The following ANO2 variants were observed in gnomAD, a reference collection of about 807,000 sequenced individuals.
ANO2 encodes the protein anoctamin-2.
ANO2 carries 101 observed loss-of-function variants against 124.2 expected under a neutral mutation model. That is an observed-to-expected ratio of 0.81 (90% CI 0.69 to 0.96). The LOEUF (loss-of-function observed/expected upper bound fraction) is 0.96. Ranked by LOEUF, ANO2 falls within the 40% of genes least tolerant of loss-of-function variation. The pLI, the probability that ANO2 is intolerant of heterozygous loss-of-function variation, is 0.00. For missense variants in ANO2, 1,293 were observed against 1,274.5 expected (o/e 1.01, Z -0.22); for synonymous variants, 486 against 482.5 (o/e 1.01, Z -0.09).
intron 4 of ANO2, among the ~76,000 whole-genome samples, chr12:5,834,309 T>G (rs1954248793): frequency 6.6e-6 from 1 of 152,214 alleles, no homozygotes; most frequent in South Asian, 2.1e-4. Context: ...TATTTCCTTC[T>G]CTACCATGAT....
chr12:5,653,858 A>G (rs1947037099), intron 14 of ANO2, among the ~76,000 whole-genome samples: 1 of 152,196 alleles, frequency 6.6e-6, no homozygotes, highest in Admixed American at 6.5e-5. Context: ...GTGATTAAAG[A>G]ATGATTAGAG....
chr12:5,930,889 C>T (rs921980631), intron 1 of ANO2, among the ~76,000 whole-genome samples: 3 of 152,278 alleles, frequency 2.0e-5, no homozygotes, highest in Admixed American at 6.5e-5. Context: ...ATTTGCATAT[C>T]CGCCTCCTGG....
At chr12:5,942,852 TG>T (rs1274202040) in intron 1 of ANO2, among the ~76,000 whole-genome samples, 1 of 152,124 alleles carries the variant, frequency 6.6e-6, no homozygotes, top group Non-Finnish European at 1.5e-5. Flanking sequence ...AACAAACATA[TG>T]AAAAAATGTT....
rs908090495 is a variant in ANO2, at chr12:5,635,957, C to T, written c.1621-610G>A. On this transcript the variant is annotated intron_variant, in intron 15 of 24. Transcript: ENST00000682330. The surrounding 1 kb of genome is among the most constrained non-coding windows in gnomAD (Gnocchi z 5.2). ...TGAGTTACAGCTTGATAAGTAGAGG[C>T]AAGAAGGTTGCTCAAAGGAGAAAAG... Among the ~76,000 whole-genome samples the T allele has an allele frequency of 2.6e-5, 4 of 152,028 alleles. No individual in the cohort carries two copies. The highest frequency in any genetic ancestry group is 1.3e-4 in the Admixed American group (2 of 15,264).
At chr12:5,586,266 AG>A (rs1943106229) in intron 20 of ANO2, among the ~76,000 whole-genome samples, 1 of 152,228 alleles carries the variant, frequency 6.6e-6, no homozygotes, top group Admixed American at 6.5e-5. Flanking sequence ...CAGCAGCAAA[AG>A]GACAGAAATG....
At chr12:5,742,769 G>C (rs1951140497) in intron 12 of ANO2, among the ~76,000 whole-genome samples, 1 of 152,138 alleles carries the variant, frequency 6.6e-6, no homozygotes, top group African/African-American at 2.4e-5. Flanking sequence ...TTCCAAATCA[G>C]TTCAGGTGGA....
chr12:5,794,495 G>A (rs545730627), intron 10 of ANO2, among the ~76,000 whole-genome samples: 48 of 152,022 alleles, frequency 3.2e-4, no homozygotes, highest in African/African-American at 1.1e-3. Context: ...GGCAGTCCAG[G>A]CTGGTTACAA....
chr12:5,665,103 C>G (rs1475260332), intron 14 of ANO2, among the ~76,000 whole-genome samples: 1 of 152,168 alleles, frequency 6.6e-6, no homozygotes, highest in East Asian at 1.9e-4. Context: ...CATTCTTCTT[C>G]CACATGCCCT....
chr12:5,759,069 T>C (rs558858146), intron 10 of ANO2, among the ~76,000 whole-genome samples: 2 of 151,098 alleles, frequency 1.3e-5, no homozygotes, highest in East Asian at 3.9e-4. Context: ...CTATCACACA[T>C]GTAATTAGAG....
chr12:5,870,597 T>C (rs1955547914), intron 3 of ANO2, among the ~76,000 whole-genome samples: 1 of 152,018 alleles, frequency 6.6e-6, no homozygotes, highest in South Asian at 2.1e-4. Flanking sequence ...TCCAGCCTCC[T>C]GGGAGAACCC....
intron 3 of ANO2, among the ~76,000 whole-genome samples, chr12:5,888,047 C>T (rs958753425): frequency 2.6e-5 from 4 of 152,128 alleles, no homozygotes; most frequent in African/African-American, 9.7e-5. Context: ...AATGAAGCCG[C>T]GGACCCTCGC....
intron 14 of ANO2, among the ~76,000 whole-genome samples, chr12:5,718,215 C>T (rs144217468): frequency 3.2e-3 from 493 of 152,338 alleles, no homozygotes; most frequent in Middle Eastern, 0.021. Context: ...CTCACTGAAA[C>T]AGAGCAAAAA....
At chr12:5,845,935 T>C (rs1480672513) in intron 4 of ANO2, among the ~76,000 whole-genome samples, 5 of 152,240 alleles carry the variant, frequency 3.3e-5, no homozygotes, top group African/African-American at 1.2e-4. Context: ...ATTAACTATA[T>C]TTAAAACTCA....
At chr12:5,827,529 G>A (rs372000970) in intron 7 of ANO2, among the ~76,000 whole-genome samples, 4 of 152,186 alleles carry the variant, frequency 2.6e-5, no homozygotes. Flanking sequence ...GAGAAAGCCC[G>A]GAGACCTGGG....
chr12:5,705,932 C>T (rs1949590798), intron 14 of ANO2, among the ~76,000 whole-genome samples: 1 of 152,188 alleles, frequency 6.6e-6, no homozygotes, highest in African/African-American at 2.4e-5. Flanking sequence ...ACAAGGTTCA[C>T]AAAGCCCTGT....
At chr12:5,692,890 CTTG>C (rs1949004652) in intron 14 of ANO2, among the ~76,000 whole-genome samples, 1 of 152,170 alleles carries the variant, frequency 6.6e-6, no homozygotes, top group Non-Finnish European at 1.5e-5. Flanking sequence ...GGCCAATCAC[CTTG>C]TTGTAAAAAT....
chr12:5,830,302 T>G (rs1444042622), intron 6 of ANO2, 133 bp downstream of exon 6: 2 of 859,118 alleles, frequency 2.3e-6, no homozygotes, highest in Non-Finnish European at 3.6e-6. Context: ...TCTTGCATAC[T>G]CTTCTCTGTT....
intron 3 of ANO2, among the ~76,000 whole-genome samples, chr12:5,898,691 G>A (rs1407575657): frequency 3.3e-5 from 5 of 152,198 alleles, no homozygotes; most frequent in Non-Finnish European, 7.3e-5. Context: ...AAACTCATCT[G>A]TGATGCTAGA....
chr12:5,585,495 C>A (rs2136858163), intron 20 of ANO2, among the ~76,000 whole-genome samples: 1 of 152,336 alleles, frequency 6.6e-6, no homozygotes, highest in East Asian at 1.9e-4. Flanking sequence ...AAAGGAGACT[C>A]AGTCCCTGCT....
Sources: gnomAD v4.1 joint callset for allele counts (sites outside exome capture counted in the v4.1 genomes callset) on GRCh38, gnomAD v4.1.1 for gene constraint, Gnocchi (gnomAD v3.1) non-coding constraint, MANE v1.5 for transcripts, NCBI Gene and HGNC (gene_info 2026-07-23, HGNC 2026-07-21) for gene names.